Variants in SYTL5 observed in about 807,000 individuals in gnomAD.
The protein encoded by SYTL5 is synaptotagmin-like protein 5.
SYTL5 carries 34 observed loss-of-function variants against 55.9 expected under a neutral mutation model. That is an observed-to-expected ratio of 0.61 (90% CI 0.46 to 0.81). SYTL5 has a LOEUF of 0.81. SYTL5 is among the 30% of genes least tolerant of loss of function. SYTL5 has a pLI of 0.00. For synonymous variants in SYTL5, 221 were observed against 188.7 expected, an observed-to-expected ratio of 1.17 and a Z score of -1.40; for missense variants, 637 against 546.7, an observed-to-expected ratio of 1.17 and a Z score of -1.65.
At chrX:38,061,263 A>G (rs4827328) in intron 3 of SYTL5, among the ~76,000 whole-genome samples, 25,482 of 111,278 alleles carry the variant, frequency 0.23, 2,751 homozygotes, top group African/African-American at 0.4. Context: ...GCTGAAAATC[A>G]GAGTACATTA....
intron 13 of SYTL5, among the ~76,000 whole-genome samples, chrX:38,115,805 T>C (rs895795014): frequency 1.8e-5 from 2 of 112,066 alleles, no homozygotes; most frequent in African/African-American, 3.2e-5. Flanking sequence ...ATTGCTTGAG[T>C]TCCTCATGTA....
intron 3 of SYTL5, among the ~76,000 whole-genome samples, chrX:38,071,433 C>T (rs781611063): frequency 9.0e-6 from 1 of 111,703 alleles, no homozygotes; most frequent in African/African-American, 3.2e-5. Context: ...TTAGTCTTAC[C>T]ATTGCCCTAG....
chrX:37,937,050 A>C, the SYTL5 span, among the ~76,000 whole-genome samples: 4 of 103,501 alleles, frequency 3.9e-5, no homozygotes, highest in Admixed American at 4.2e-4. Context: ...ACTGTCTCAA[A>C]AAAAAAAAAA....
the SYTL5 span, among the ~76,000 whole-genome samples, chrX:37,896,309 A>G: frequency 8.1e-5 from 9 of 111,796 alleles, no homozygotes. Context: ...AGTAAATTAC[A>G]TGGTATGCTA....
At chrX:38,103,337 C>A (rs970508890) in intron 10 of SYTL5, among the ~76,000 whole-genome samples, 1 of 111,918 alleles carries the variant, frequency 8.9e-6, no homozygotes, top group Admixed American at 9.5e-5. Context: ...TCAACAAAAC[C>A]TTTGAAGTAA....
Position 38,033,114 on chromosome X carries a change from G to A in SYTL5, c.-356-420G>A, listed in dbSNP as rs184426503. Among the ~76,000 whole-genome samples, 4 of 111,413 alleles carry A rather than the reference G, an allele frequency of 3.6e-5. No individual in the cohort carries two copies. The Admixed American group carries it at 3.8e-4, about 11-fold the overall frequency. On this transcript the variant is annotated intron_variant, in intron 1 of 16. Transcript: ENST00000297875. ...AGGTTCGTATTTGTCTCAACAGCAG[G>A]GCTTTTTATGCTGTGGGCCTAGTTT...
the SYTL5 span, among the ~76,000 whole-genome samples, chrX:37,891,446 T>C: frequency 8.9e-6 from 1 of 111,751 alleles, no homozygotes; most frequent in African/African-American, 3.2e-5. Context: ...AGGTAGAAAG[T>C]AGATTAGTGC....
At chrX:38,020,063 A>C (rs1444483173) in intron 1 of SYTL5, among the ~76,000 whole-genome samples, 1 of 111,311 alleles carries the variant, frequency 9.0e-6, no homozygotes. Context: ...TGAATTAAAC[A>C]TCACTTTAGG....
upstream of SYTL5, among the ~76,000 whole-genome samples, chrX:38,004,121 T>C (rs1322287578): frequency 8.9e-6 from 1 of 111,897 alleles, no homozygotes; most frequent in Admixed American, 9.5e-5. Context: ...TTGCAAATAT[T>C]TTCTCCTGCT....
Position 38,088,948 on chromosome X carries a change from C to T in SYTL5, c.690-498C>T, listed in dbSNP as rs143746965. ...CTAAATACAGTAGTCTGGCAAAGAC[C>T]GTAAGTCAATAGGAATTGAGTGGAA... On this transcript the variant is annotated intron_variant, in intron 6 of 16. Transcript: ENST00000297875. Among the ~76,000 whole-genome samples, 252 of 112,271 alleles carry T rather than the reference C, an allele frequency of 2.2e-3. 6 individuals carry two copies. Among genetic ancestry groups the T allele is most frequent in the Admixed American group, 0.019 (202 of 10,612 alleles).
chrX:37,967,579 T>A, the SYTL5 span, among the ~76,000 whole-genome samples: 1 of 111,686 alleles, frequency 9.0e-6, no homozygotes, highest in Admixed American at 9.5e-5. Context: ...GCTTTCTGGA[T>A]CTGGATGTCC....
chrX:38,105,371 T>G (rs1937182631), intron 10 of SYTL5, among the ~76,000 whole-genome samples: 1 of 113,013 alleles, frequency 8.8e-6, no homozygotes, highest in Non-Finnish European at 1.9e-5. Flanking sequence ...TTTTGTTTTA[T>G]ACATTTTAGG....
the SYTL5 span, among the ~76,000 whole-genome samples, chrX:37,957,210 A>AT: frequency 4.6e-4 from 51 of 110,506 alleles, no homozygotes; most frequent in African/African-American, 1.5e-3. Context: ...ATAGTTCGCA[A>AT]TTTTTTTTCT....
the SYTL5 span, among the ~76,000 whole-genome samples, chrX:37,929,483 C>T: frequency 8.9e-6 from 1 of 112,151 alleles, no homozygotes; most frequent in African/African-American, 3.2e-5. Context: ...AAAATAATAG[C>T]CTACTGTTTA....
chrX:37,991,217 G>A, the SYTL5 span: 6 of 1,193,512 alleles, frequency 5.0e-6, no homozygotes, highest in East Asian at 1.8e-4. Flanking sequence ...GAGCCTTGAA[G>A]GGAACCTCAC....
chrX:38,125,654 G>A, intron 16 of SYTL5, 148 bp downstream of exon 16: 1 of 457,462 alleles, frequency 2.2e-6, no homozygotes, highest in Non-Finnish European at 3.8e-6. Context: ...TTTAGCTAAG[G>A]ATCTATTCAT....
At chrX:37,954,160 G>A in the SYTL5 span, among the ~76,000 whole-genome samples, 121 of 111,790 alleles carry the variant, frequency 1.1e-3, no homozygotes, top group African/African-American at 3.7e-3. Context: ...TAAGTTAATG[G>A]AAGGGCAGTA....
At chrX:38,071,990 G>A in intron 3 of SYTL5, 57 bp from the exon 4 acceptor site, 1 of 851,707 alleles carries the variant, frequency 1.2e-6, no homozygotes, top group South Asian at 2.2e-5. Flanking sequence ...ATTTTTGAGA[G>A]TTAATTATGT....
intron 2 of SYTL5, among the ~76,000 whole-genome samples, chrX:38,049,769 G>A (rs1168018536): frequency 8.9e-6 from 1 of 112,084 alleles, no homozygotes; most frequent in Non-Finnish European, 1.9e-5. Context: ...AACAGATATT[G>A]GGAAACACAT....
Sources: allele counts gnomAD v4.1 joint callset (sites outside exome capture counted in the v4.1 genomes callset), GRCh38; gene constraint gnomAD v4.1.1; transcripts MANE v1.5; gene names NCBI Gene and HGNC (gene_info 2026-07-23, HGNC 2026-07-21).